CDK14: variants seen among roughly 807,000 people sequenced by gnomAD.
CDK14 encodes the protein cyclin dependent kinase 14, also known as cyclin-dependent kinase 14.
In CDK14, 34 loss-of-function variants were observed where a neutral mutation model predicts 60.7. The ratio of observed to expected loss-of-function variants is 0.56; its 90% CI spans 0.43 to 0.75. The LOEUF is 0.75. CDK14 is among the 30% of genes least tolerant of loss of function. The pLI is 0.00. For missense variants in CDK14, 482 were observed against 564.1 expected (o/e 0.85, Z 1.47); for synonymous variants, 197 against 203.7 (o/e 0.97, Z 0.28).
intron 5 of CDK14, among the ~76,000 whole-genome samples, chr7:90,814,850 A>T (rs1057274237): frequency 6.6e-6 from 1 of 152,224 alleles, no homozygotes; most frequent in African/African-American, 2.4e-5. Context: ...TGACAAGCTG[A>T]ACTTTTATGA....
intron 2 of CDK14, among the ~76,000 whole-genome samples, chr7:90,642,013 A>G (rs1222319409): frequency 1.3e-5 from 2 of 152,182 alleles, no homozygotes; most frequent in Non-Finnish European, 2.9e-5. Context: ...CAGCAAGGGA[A>G]AAACCTGCCT....
At chr7:90,648,765 C>G (rs1238624940) in intron 2 of CDK14, among the ~76,000 whole-genome samples, 1 of 152,126 alleles carries the variant, frequency 6.6e-6, no homozygotes, top group Non-Finnish European at 1.5e-5. Context: ...ATAATAAAAG[C>G]ATTTCTTTAT....
intron 6 of CDK14, among the ~76,000 whole-genome samples, chr7:90,875,008 A>T (rs1403688119): frequency 6.6e-6 from 1 of 152,150 alleles, no homozygotes; most frequent in Non-Finnish European, 1.5e-5. Context: ...ATCCATTAGC[A>T]TTCACTCTGA....
At chr7:91,005,720 T>C (rs1008149718) in intron 10 of CDK14, among the ~76,000 whole-genome samples, 2 of 152,306 alleles carry the variant, frequency 1.3e-5, no homozygotes, top group Non-Finnish European at 2.9e-5. Flanking sequence ...ATGGCACATT[T>C]TGGCAGAATT....
intron 14 of CDK14, among the ~76,000 whole-genome samples, chr7:91,170,177 T>C (rs1381789429): frequency 6.6e-6 from 1 of 152,216 alleles, no homozygotes; most frequent in Admixed American, 6.5e-5. Flanking sequence ...TGATAAGTTG[T>C]TCCCCGTGTG....
intron 8 of CDK14, among the ~76,000 whole-genome samples, chr7:90,920,681 TC>T (rs1356297976): frequency 6.6e-6 from 1 of 152,248 alleles, no homozygotes; most frequent in Non-Finnish European, 1.5e-5. Flanking sequence ...AAATTATTGA[TC>T]GTTTTTGTAT....
intron 14 of CDK14, among the ~76,000 whole-genome samples, chr7:91,178,417 T>TAA (rs1166324442): frequency 7.3e-6 from 1 of 136,834 alleles, no homozygotes; most frequent in African/African-American, 2.7e-5. Context: ...ACTTCATGTC[T>TAA]AAAACACCAA....
chr7:91,157,603 A>C (rs1801020215), intron 14 of CDK14, among the ~76,000 whole-genome samples: 1 of 152,198 alleles, frequency 6.6e-6, no homozygotes, highest in South Asian at 2.1e-4. Context: ...CTTCTCTGAC[A>C]GGTATTAACT....
At chr7:90,771,742 C>G (rs1182054085) in intron 4 of CDK14, among the ~76,000 whole-genome samples, 1 of 152,180 alleles carries the variant, frequency 6.6e-6, no homozygotes, top group Non-Finnish European at 1.5e-5. Context: ...TGGGACCAAT[C>G]AGGGGCCAAG....
chr7:90,747,535 G>A (rs555578030), intron 3 of CDK14, 146 bp from the exon 4 acceptor site: 1 of 563,534 alleles, frequency 1.8e-6, no homozygotes, highest in African/African-American at 2.0e-5. Context: ...TGTTTATTAT[G>A]TTGTTTTGAA....
chr7:91,165,392 A>G (rs2115767171), intron 14 of CDK14, among the ~76,000 whole-genome samples: 1 of 152,290 alleles, frequency 6.6e-6, no homozygotes, highest in East Asian at 1.9e-4. Flanking sequence ...GTCCAAATAC[A>G]TGAGTTTTGG....
At chr7:90,887,783 A>C (rs1254827308) in intron 6 of CDK14, among the ~76,000 whole-genome samples, 2 of 152,176 alleles carry the variant, frequency 1.3e-5, no homozygotes, top group Admixed American at 1.3e-4. Context: ...AAATTATATG[A>C]ACAAAATTAT....
intron 10 of CDK14, among the ~76,000 whole-genome samples, chr7:90,993,886 T>A (rs950457805): frequency 6.6e-6 from 1 of 152,214 alleles, no homozygotes; most frequent in Admixed American, 6.5e-5. Context: ...ATTTCCCAGT[T>A]GTAGTAATTT....
chr7:91,022,141 G>A (rs1393083533), intron 10 of CDK14, among the ~76,000 whole-genome samples: 1 of 152,198 alleles, frequency 6.6e-6, no homozygotes, highest in African/African-American at 2.4e-5. Context: ...AGTGCCAGAG[G>A]CTGAGGGACT....
At chr7:91,029,608 C>CCACT (rs1489414078) in intron 10 of CDK14, among the ~76,000 whole-genome samples, 1 of 70,194 alleles carries the variant, frequency 1.4e-5, no homozygotes, top group Non-Finnish European at 3.1e-5. Context: ...CCTCTCCTCT[C>CCACT]CTCCGCTCCC....
At chr7:90,889,536 A>G (rs996461123) in intron 6 of CDK14, among the ~76,000 whole-genome samples, 1 of 152,226 alleles carries the variant, frequency 6.6e-6, no homozygotes, top group African/African-American at 2.4e-5. Flanking sequence ...TTATGACCAA[A>G]AAGAAGAAAG....
intron 11 of CDK14, among the ~76,000 whole-genome samples, chr7:91,071,054 G>A (rs2116178926): frequency 6.6e-6 from 1 of 152,162 alleles, no homozygotes; most frequent in African/African-American, 2.4e-5. Flanking sequence ...TGTCCTCCTT[G>A]AACAAAGAAA....
At chr7:91,093,597 G>A (rs1004456281) in intron 12 of CDK14, among the ~76,000 whole-genome samples, 1 of 152,052 alleles carries the variant, frequency 6.6e-6, no homozygotes, top group Admixed American at 6.6e-5. Context: ...TTGTTCTTAA[G>A]GTACCTCACC....
At chr7:90,809,062 T>C (rs1358640892) in intron 5 of CDK14, among the ~76,000 whole-genome samples, 2 of 152,132 alleles carry the variant, frequency 1.3e-5, no homozygotes, top group Non-Finnish European at 2.9e-5. Flanking sequence ...GACAGATCAA[T>C]GAGACAGAAA....
Sources: allele counts gnomAD v4.1 joint callset (sites outside exome capture counted in the v4.1 genomes callset), GRCh38; gene constraint gnomAD v4.1.1; transcripts MANE v1.5; gene names NCBI Gene and HGNC (gene_info 2026-07-23, HGNC 2026-07-21).